DGCR8: variants seen among roughly 807,000 people sequenced by gnomAD.
DGCR8 encodes microprocessor complex subunit DGCR8.
Under a neutral mutation model 78.5 loss-of-function variants are expected in DGCR8, and 14 were observed. The observed-to-expected ratio is 0.18, with a 90% CI of 0.12 to 0.28. The LOEUF is 0.28. DGCR8 is among the 10% of genes least tolerant of loss of function. DGCR8 has a pLI of 1.00. For synonymous variants in DGCR8, 399 were observed against 402.4 expected, an observed-to-expected ratio of 0.99 and a Z score of 0.10; for missense variants, 702 against 1,022.5, an observed-to-expected ratio of 0.69 and a Z score of 4.28.
chr22:20,087,254 C>T lies in DGCR8; in HGVS notation c.813C>T (p.Ser271=), dbSNP rs376976636. The change falls in exon 3 of 14, where the codon AGC becomes AGT. Residue 271 remains serine (S), a synonymous_variant. Coordinates refer to ENST00000351989, the MANE Select transcript of DGCR8 (RefSeq NM_022720.7). This position sits in a 1 kb window ranked among gnomAD's most constrained non-coding sequence, Gnocchi z 4.1. ...CAGAGGAAAAATATGGCGGAGACAG[C>T]GACCATCCGTCCGATGGAGAGACAA... The part of the protein sequence containing the change: ...RRTEEKYGGD[S]DHPSDGETSV... 22 of 1,613,822 alleles carry T rather than the reference C, an allele frequency of 1.4e-5. No homozygotes were observed. Among genetic ancestry groups the T allele is most frequent in the South Asian group, 1.1e-4 (10 of 91,042 alleles).
chr22:20,085,573 A>C lies in DGCR8; in HGVS notation c.-277-114A>C. The C allele has an allele frequency of 2.5e-6, 2 of 795,740 alleles. No homozygotes were observed. Among genetic ancestry groups the C allele is most frequent in the Non-Finnish European group, 1.7e-6 (1 of 591,166 alleles). The allele number at this position is 795,740 out of a possible 1,614,324, so 49.3% of individuals were successfully genotyped here. On this transcript the variant is annotated intron_variant, in intron 1 of 13. Coordinates refer to ENST00000351989, the MANE Select transcript of DGCR8 (RefSeq NM_022720.7). The surrounding 1 kb of genome is among the most constrained non-coding windows in gnomAD (Gnocchi z 6.2). Reference sequence around the variant, plus strand: ...GATGCCTAAAAAGTCCTCTTAGGGAATATTATTTTGAAGCCCTTTACTATG... The same window carrying C: ...GATGCCTAAAAAGTCCTCTTAGGGACTATTATTTTGAAGCCCTTTACTATG...
Position 20,086,148 on chromosome 22 carries a change from C to G in DGCR8, c.185C>G (p.Pro62Arg), listed in dbSNP as rs1321625505. ...GSGGDGQSEL[P>R]AEDPFNFYGA... ...GGTGGTGATGGACAGTCCGAACTCC[C>G]TGCTGAGGACCCCTTCAACTTCTAC... Residue 62 changes from proline to arginine, a missense_variant, in exon 2 of 14, where the codon CCT becomes CGT. Physicochemically the swap from Pro to Arg is moderately radical, Grantham distance 103. This residue lies in a region of DGCR8 where 356 missense variants were observed against 448.9 expected (regional missense o/e 0.79). Transcript: ENST00000351989. The surrounding 1 kb of genome is among the most constrained non-coding windows in gnomAD (Gnocchi z 6.4). 1.9e-6 allele frequency: 3 copies of G among 1,614,178 alleles called. No individual in the cohort carries two copies. The highest frequency in any genetic ancestry group is 1.1e-5 in the South Asian group (1 of 91,078).
chr22:20,092,986 C>T (rs1261293314), intron 8 of DGCR8, 79 bp downstream of exon 8: 47 of 1,103,168 alleles, frequency 4.3e-5, no homozygotes, highest in African/African-American at 7.9e-5. Flanking sequence ...AGGGGCTGAG[C>T]AGTGGTGACA....
In DGCR8 at chr22:20,086,376, C is replaced by G; in HGVS notation, c.413C>G (p.Thr138Arg). The G allele has an allele frequency of 1.2e-6, 2 of 1,614,002 alleles. No homozygotes were observed. Among genetic ancestry groups the G allele is most frequent in the Non-Finnish European group, 1.7e-6 (2 of 1,180,026 alleles). The change falls in exon 2 of 14, where the codon ACA becomes AGA. Residue 138 changes from threonine (T) to arginine (R), a missense_variant. Physicochemically the swap from Thr to Arg is moderately conservative, Grantham distance 71. Transcript: ENST00000351989. The surrounding 1 kb of genome is among the most constrained non-coding windows in gnomAD (Gnocchi z 6.4). ...CRSKDRKVLY[T>R]GAERDVRAEC... ...AGTAAGGACAGGAAGGTGCTGTACA[C>G]AGGAGCAGAGCGCGACGTGCGGGCG... is the stretch of plus-strand genomic sequence containing the variant.
chr22:20,102,902 G>T (rs963903069), intron 9 of DGCR8, among the ~76,000 whole-genome samples: 5 of 152,204 alleles, frequency 3.3e-5, no homozygotes, highest in African/African-American at 1.2e-4. Flanking sequence ...GGAGGCCGAG[G>T]TGGGTGGATT....
At chr22:20,108,773 G>GT in intron 12 of DGCR8, 117 bp from the exon 13 acceptor site, 1 of 144,046 alleles carries the variant, frequency 6.9e-6, no homozygotes, top group Non-Finnish European at 1.2e-5. Flanking sequence ...GCTGTTTCGT[G>GT]TCTGCCAGAC....
Position 20,107,372 on chromosome 22 carries a change from C to T in DGCR8, c.2098C>T (p.Arg700Cys), listed in dbSNP as rs769576798. ...GGGGTCTTTACTGCGCATGTATGGCCGTGAGAGCAGCAAGATGGTCAAGCA... is the reference window on the plus strand; with the variant it reads ...GGGGTCTTTACTGCGCATGTATGGCTGTGAGAGCAGCAAGATGGTCAAGCA... ...NWGSLLRMYG[R>C]ESSKMVKQET... The change falls in exon 12 of 14, where the codon CGT becomes TGT. Residue 700 changes from arginine to cysteine, a missense_variant. Around this residue, in one of 4 missense-constraint regions of DGCR8, gnomAD observed 225 missense variants for 427.7 expected, o/e 0.53. Transcript: ENST00000351989. 1.1e-5 allele frequency: 18 copies of T among 1,614,130 alleles called. No homozygotes were observed. Among genetic ancestry groups the T allele is most frequent in the Admixed American group, 1.7e-5 (1 of 60,034 alleles).
chr22:20,094,235 G>A (rs1170101512), intron 8 of DGCR8, among the ~76,000 whole-genome samples: 2 of 152,170 alleles, frequency 1.3e-5, no homozygotes, highest in African/African-American at 4.8e-5. Flanking sequence ...TGGCAACTCC[G>A]ACCCCAGTGG....
chr22:20,081,378 G>A (rs1188135883), intron 1 of DGCR8, among the ~76,000 whole-genome samples: 1 of 152,222 alleles, frequency 6.6e-6, no homozygotes, highest in Non-Finnish European at 1.5e-5. Flanking sequence ...GGGTCCAGGG[G>A]AGCTTGCCGT....
At chr22:20,096,127 A>G (rs567359093) in intron 9 of DGCR8, among the ~76,000 whole-genome samples, 4 of 152,288 alleles carry the variant, frequency 2.6e-5, no homozygotes, top group South Asian at 4.1e-4. Context: ...GTACCAGTCC[A>G]TGGCCTGGGG....
At chr22:20,097,761 G>C (rs1213006095) in intron 9 of DGCR8, among the ~76,000 whole-genome samples, 1 of 143,816 alleles carries the variant, frequency 7.0e-6, no homozygotes. Flanking sequence ...CATAATTTCT[G>C]TCTTTTTTAA....
rs542311691 is a variant in DGCR8, at chr22:20,093,069, T to G, written c.1705+162T>G. Among the ~76,000 whole-genome samples the G allele has an allele frequency of 2.6e-5, 4 of 152,178 alleles. No individual in the cohort carries two copies. The South Asian group carries it at 6.2e-4, about 24-fold the overall frequency. On this transcript the variant is annotated intron_variant, in intron 8 of 13. Transcript: ENST00000351989. ...TACTTTGATTTTTAAAATTACATGC[T>G]CATTGGAAAAGACTCAAATAGAGCA...
intron 1 of DGCR8, among the ~76,000 whole-genome samples, chr22:20,080,884 G>A (rs2269723): frequency 1.3e-5 from 2 of 152,356 alleles, no homozygotes; most frequent in Admixed American, 6.5e-5. Flanking sequence ...AGTGATGCCT[G>A]TCTGGTGTCA....
rs764660336 is a variant in DGCR8 at position 20,085,954 on chromosome 22, C to T, written c.-10C>T. 28 of 1,548,748 alleles carry T rather than the reference C, an allele frequency of 1.8e-5. No homozygotes were observed. Among genetic ancestry groups the T allele is most frequent in the Admixed American group, 1.6e-4 (8 of 50,994 alleles). On this transcript the variant is annotated 5_prime_UTR_variant, in exon 2 of 14. Coordinates refer to ENST00000351989, the MANE Select transcript of DGCR8 (RefSeq NM_022720.7). The surrounding 1 kb of genome is among the most constrained non-coding windows in gnomAD (Gnocchi z 6.2). ...TCTGGTCTTGTAAACTAGTCTTAAGCGCTTTTAATATGGAGACAGATGAGA... is the reference window on the plus strand; with the variant it reads ...TCTGGTCTTGTAAACTAGTCTTAAGTGCTTTTAATATGGAGACAGATGAGA...
In DGCR8 at chr22:20,087,425, T is replaced by G. The variant is rs545677700; in HGVS notation, c.880+104T>G. The stretch of plus-strand genomic sequence containing the variant: ...AGAGCTCTGGTGCCAGGTAGTGGGC[T>G]GGGTGGAGGCATGTTTGAGGACAGG... On this transcript the variant is annotated intron_variant, in intron 3 of 13. Transcript: ENST00000351989. The surrounding 1 kb of genome is among the most constrained non-coding windows in gnomAD (Gnocchi z 4.1). 7 of 1,339,594 alleles carry G rather than the reference T, an allele frequency of 5.2e-6. No individual in the cohort carries two copies. Among genetic ancestry groups the G allele is most frequent in the Non-Finnish European group, 7.1e-6 (7 of 987,594 alleles). 83.0% of individuals were successfully genotyped at this position (1,339,594 alleles called of 1,614,324 possible). A position where few individuals can be genotyped will look rare whatever the true frequency, so the allele number is the denominator to read the frequency against.
chr22:20,101,239 A>T, intron 9 of DGCR8: 1 of 985,378 alleles, frequency 1.0e-6, no homozygotes, highest in Non-Finnish European at 1.2e-6. Context: ...TGCCTTTTGT[A>T]TGTGCCCCTC....
Position 20,110,236 on chromosome 22 carries a change from C to A in DGCR8, c.*128C>A. 1 of 932,382 alleles carries A rather than the reference C, an allele frequency of 1.1e-6. No individual in the cohort carries two copies. The highest frequency in any genetic ancestry group is 1.6e-6 in the Non-Finnish European group (1 of 615,158). 57.8% of individuals were successfully genotyped at this position (932,382 alleles called of 1,614,324 possible). A position where few individuals can be genotyped will look rare whatever the true frequency, so the allele number is the denominator to read the frequency against. ...CCTTCCCTGTGGCCAACCTGTGGGC[C>A]CGGCCTTAGGGTGGAGGCTTTAGTG... is the stretch of plus-strand genomic sequence containing the variant. On this transcript the variant is annotated 3_prime_UTR_variant, in exon 14 of 14. Coordinates refer to ENST00000351989, the MANE Select transcript of DGCR8 (RefSeq NM_022720.7).
intron 9 of DGCR8, among the ~76,000 whole-genome samples, chr22:20,103,800 CTAACTA>C (rs1384824630): frequency 1.3e-5 from 2 of 152,210 alleles, no homozygotes; most frequent in South Asian, 2.1e-4. Context: ...GTATGAACTA[CTAACTA>C]TAACTATGAC....
At chr22:20,100,582 T>G in intron 9 of DGCR8, 3 of 985,376 alleles carry the variant, frequency 3.0e-6, no homozygotes, top group Non-Finnish European at 3.6e-6. Context: ...GGTGGAAATG[T>G]CCATGAACCA....
Sources: allele counts gnomAD v4.1 joint callset (sites outside exome capture counted in the v4.1 genomes callset), GRCh38; gene constraint gnomAD v4.1.1; regional missense constraint gnomAD v4.1.1; non-coding constraint Gnocchi (gnomAD v3.1); transcripts MANE v1.5; gene names NCBI Gene and HGNC (gene_info 2026-07-23, HGNC 2026-07-21).